Variants in HOOK3 observed in about 807,000 individuals in gnomAD.
The protein encoded by HOOK3 is protein Hook homolog 3.
A neutral mutation model predicts 116.3 loss-of-function variants in HOOK3; 24 were observed. The ratio of observed to expected loss-of-function variants is 0.21; its 90% CI spans 0.15 to 0.29. The LOEUF is 0.29. HOOK3 is among the 10% of genes least tolerant of loss of function. HOOK3 has a pLI of 1.00. For missense variants in HOOK3, 632 were observed against 830.2 expected (o/e 0.76, Z 2.93); for synonymous variants, 275 against 283.0 (o/e 0.97, Z 0.28).
rs145868661 is a variant in HOOK3 at position 42,938,217 on chromosome 8, C to CTTTTTTTTTTTT, written c.268-5092_268-5081dup. Reference sequence around the variant, plus strand: ...TCAGAGACTAGCATTGCAACCCCTGCTTTTTTTTTTTTTTTGCTTTCCATT... The same window carrying CTTTTTTTTTTTT: ...TCAGAGACTAGCATTGCAACCCCTGCTTTTTTTTTTTTTTTTTTTTTTTTTTTGCTTTCCATT... On this transcript the variant is annotated intron_variant, in intron 4 of 21. Transcript: ENST00000307602. Among the ~76,000 whole-genome samples the CTTTTTTTTTTTT allele has an allele frequency of 3.7e-3, 488 of 131,934 alleles. 2 individuals are homozygous for CTTTTTTTTTTTT. The highest frequency in any genetic ancestry group is 6.6e-3 in the Non-Finnish European group (409 of 61,504). The allele number at this position is 131,934 out of a possible 152,430, so 86.6% of individuals were successfully genotyped here.
chr8:42,962,492 G>A (rs1226855757), intron 8 of HOOK3, among the ~76,000 whole-genome samples: 3 of 148,414 alleles, frequency 2.0e-5, no homozygotes, highest in Non-Finnish European at 4.4e-5. Context: ...CTATAGCCTC[G>A]ACCTCTTGGA....
rs1489336254 is a variant in HOOK3, at chr8:43,010,376, T to A, written c.1810T>A (p.Tyr604Asn). Residue 604 changes from tyrosine to asparagine, a missense_variant, in exon 19 of 22, where the codon TAC becomes AAC. Around this residue, in one of 3 missense-constraint regions of HOOK3, gnomAD observed 483 missense variants for 648.1 expected, o/e 0.75. Transcript: ENST00000307602. Reference sequence around the variant, plus strand: ...AGAAATGAAGCAAATGGAAGAACGATACAAAAAATACTTAGAGAAAGCCAA... The same window carrying A: ...AGAAATGAAGCAAATGGAAGAACGAAACAAAAAATACTTAGAGAAAGCCAA... ...EEEMKQMEER[Y>N]KKYLEKAKSV... 1 of 1,474,184 alleles carries A rather than the reference T, an allele frequency of 6.8e-7. No individual in the cohort carries two copies. The highest frequency in any genetic ancestry group is 1.4e-5 in the South Asian group (1 of 71,058). 91.3% of individuals were successfully genotyped at this position (1,474,184 alleles called of 1,614,324 possible). A position where few individuals can be genotyped will look rare whatever the true frequency, so the allele number is the denominator to read the frequency against.
intron 13 of HOOK3, 75 bp downstream of exon 13, chr8:42,974,269 G>T (rs1563304875): frequency 9.2e-7 from 1 of 1,089,782 alleles, no homozygotes; most frequent in Non-Finnish European, 1.4e-6. Flanking sequence ...TTATTGCCCA[G>T]GCTGGAGTGC....
chr8:42,975,732 G>A (rs191530267), intron 13 of HOOK3, among the ~76,000 whole-genome samples: 257 of 152,260 alleles, frequency 1.7e-3, no homozygotes, highest in African/African-American at 6.0e-3. Flanking sequence ...TTGAGACGGA[G>A]TCTCGCTCTG....
chr8:43,016,029 T>C (rs1315945239), intron 21 of HOOK3, among the ~76,000 whole-genome samples: 3 of 151,990 alleles, frequency 2.0e-5, no homozygotes, highest in Non-Finnish European at 1.5e-5. Flanking sequence ...AATCTCATAT[T>C]CTGGATTGAT....
chr8:42,903,391 T>C (rs1208516159), intron 1 of HOOK3, among the ~76,000 whole-genome samples: 8 of 142,034 alleles, frequency 5.6e-5, no homozygotes, highest in Non-Finnish European at 1.1e-4. Context: ...GTGGCCCAGG[T>C]TGGAGTGCAG....
chr8:43,025,858 CA>C lies in HOOK3; in HGVS notation c.*7364del, dbSNP rs1298105684. On this transcript the variant is annotated 3_prime_UTR_variant, in exon 22 of 22. Transcript: ENST00000307602. ...CACACAGTTTTGTTTTAAATGAAGGCAAAAGTAGACATTTTTAAAGTATATT... is the reference window on the plus strand; with the variant it reads ...CACACAGTTTTGTTTTAAATGAAGGCAAAGTAGACATTTTTAAAGTATATT... 1 of 209,154 alleles carries C rather than the reference CA, an allele frequency of 4.8e-6. No homozygotes were observed. The highest frequency in any genetic ancestry group is 9.7e-6 in the Non-Finnish European group (1 of 103,138). 13.0% of individuals were successfully genotyped at this position (209,154 alleles called of 1,614,324 possible).
rs1291021499 is a variant in HOOK3 at position 42,974,198 on chromosome 8, A to G, written c.1321+4A>G. On this transcript the variant is annotated splice_donor_region_variant and intron_variant, in intron 13 of 21. Coordinates refer to ENST00000307602, the MANE Select transcript of HOOK3 (RefSeq NM_032410.4). ...GAAGGGCAGCTCACAACACAAGGTAAAAACGTTTTGCGAGTACAAACCAGA... is the reference window on the plus strand; with the variant it reads ...GAAGGGCAGCTCACAACACAAGGTAGAAACGTTTTGCGAGTACAAACCAGA... 6.2e-7 allele frequency: 1 copy of G among 1,608,446 alleles called. No homozygotes were observed. Among genetic ancestry groups the G allele is most frequent in the East Asian group, 2.2e-5 (1 of 44,848 alleles).
intron 4 of HOOK3, among the ~76,000 whole-genome samples, chr8:42,933,738 G>A (rs1807913767): frequency 6.6e-6 from 1 of 152,180 alleles, no homozygotes; most frequent in Admixed American, 6.5e-5. Context: ...TTACACTGTG[G>A]TTTAGTTGAA....
chr8:42,939,088 C>G (rs2130377366), intron 4 of HOOK3, among the ~76,000 whole-genome samples: 1 of 152,342 alleles, frequency 6.6e-6, no homozygotes, highest in African/African-American at 2.4e-5. Flanking sequence ...TAGTACAGAA[C>G]AAAATGAAAA....
chr8:43,002,466 G>A (rs576392390), intron 17 of HOOK3, among the ~76,000 whole-genome samples: 37 of 152,274 alleles, frequency 2.4e-4, no homozygotes, highest in African/African-American at 8.7e-4. Context: ...TTTAGGAGTT[G>A]AAAGCTGGTC....
In HOOK3 at chr8:43,019,418, T is replaced by A. The variant is rs1289238065; in HGVS notation, c.*920T>A. On this transcript the variant is annotated 3_prime_UTR_variant, in exon 22 of 22. Transcript: ENST00000307602. ...CTTATTTTTGGGCTGTTTGTTGACT[T>A]ATGCCCCATTTGTTTTACTTGTTCT... The A allele has an allele frequency of 4.7e-6, 1 of 213,578 alleles. No individual in the cohort carries two copies. The highest frequency in any genetic ancestry group is 2.3e-5 in the African/African-American group (1 of 44,350). 13.2% of individuals were successfully genotyped at this position (213,578 alleles called of 1,614,324 possible).
intron 8 of HOOK3, among the ~76,000 whole-genome samples, chr8:42,960,664 CTGGCTGCTCCT>C (rs542025318): frequency 1.1e-3 from 173 of 152,288 alleles, no homozygotes; most frequent in African/African-American, 4.0e-3. Flanking sequence ...CATTACATGG[CTGGCTGCTCCT>C]TGTCATCCAA....
intron 14 of HOOK3, among the ~76,000 whole-genome samples, chr8:42,984,812 G>A (rs1332899628): frequency 1.3e-5 from 2 of 152,146 alleles, no homozygotes; most frequent in Non-Finnish European, 2.9e-5. Flanking sequence ...ACTGAGGCAC[G>A]AGAATCATTT....
intron 8 of HOOK3, among the ~76,000 whole-genome samples, chr8:42,960,541 A>G (rs776339881): frequency 2.2e-4 from 33 of 152,246 alleles, no homozygotes; most frequent in South Asian, 4.1e-4. Context: ...TAAGATGCCA[A>G]TGATAGAGTT....
At chr8:43,013,488 C>A in intron 21 of HOOK3, 88 bp downstream of exon 21, 1 of 1,082,356 alleles carries the variant, frequency 9.2e-7, no homozygotes, top group Non-Finnish European at 1.3e-6. Flanking sequence ...AGTCACTCTA[C>A]CAAATGAATC....
intron 5 of HOOK3, 125 bp downstream of exon 5, chr8:42,943,570 C>T (rs1320735643): frequency 7.5e-6 from 4 of 530,378 alleles, no homozygotes; most frequent in Non-Finnish European, 1.2e-5. Flanking sequence ...CCAAAGAATG[C>T]CATTTTCTAC....
chr8:42,972,756 A>C (rs1015239874), intron 11 of HOOK3, among the ~76,000 whole-genome samples: 4 of 151,592 alleles, frequency 2.6e-5, no homozygotes, highest in Non-Finnish European at 5.9e-5. Context: ...AGCTGATGAA[A>C]TTTTTTTTTC....
At chr8:42,956,384 C>T (rs1808437118) in intron 6 of HOOK3, among the ~76,000 whole-genome samples, 1 of 151,810 alleles carries the variant, frequency 6.6e-6, no homozygotes, top group Admixed American at 6.6e-5. Flanking sequence ...TATGTAGCCA[C>T]ATTTTAATTT....
Sources: allele counts gnomAD v4.1 joint callset (sites outside exome capture counted in the v4.1 genomes callset), GRCh38; gene constraint gnomAD v4.1.1; regional missense constraint gnomAD v4.1.1; transcripts MANE v1.5; gene names NCBI Gene and HGNC (gene_info 2026-07-23, HGNC 2026-07-21).